Variants in NKAIN3 observed in about 807,000 individuals in gnomAD.
NKAIN3 encodes the protein sodium/potassium-transporting ATPase subunit beta-1-interacting protein 3.
NKAIN3 carries 25 observed loss-of-function variants against 30.2 expected under a neutral mutation model. The observed-to-expected ratio is 0.83, with a 90% CI of 0.60 to 1.16. The LOEUF is 1.16. Among genes scored for constraint, NKAIN3 ranks in the 50% most tolerant of loss-of-function variants. NKAIN3 has a pLI of 0.00. For synonymous variants in NKAIN3, 91 were observed against 89.6 expected (o/e 1.02, Z -0.09); for missense variants, 225 against 254.1 (o/e 0.89, Z 0.78).
intron 1 of NKAIN3, among the ~76,000 whole-genome samples, chr8:62,470,083 C>G (rs996480858): frequency 6.6e-6 from 1 of 152,142 alleles, no homozygotes; most frequent in Non-Finnish European, 1.5e-5. Flanking sequence ...CCTTATCAGA[C>G]CTCTACTCTG....
At chr8:62,338,691 A>G (rs767982908) in intron 1 of NKAIN3, among the ~76,000 whole-genome samples, 5 of 152,042 alleles carry the variant, frequency 3.3e-5, no homozygotes, top group African/African-American at 4.8e-5. Flanking sequence ...AAAGAAAGCC[A>G]GTCCGAGTCC....
intron 1 of NKAIN3, among the ~76,000 whole-genome samples, chr8:62,464,641 G>A (rs1806098234): frequency 6.6e-6 from 1 of 152,176 alleles, no homozygotes; most frequent in African/African-American, 2.4e-5. Context: ...TCTAATGTAA[G>A]AAAAGTCTCC....
intron 3 of NKAIN3, among the ~76,000 whole-genome samples, chr8:62,745,061 TAA>T (rs869071673): frequency 6.6e-6 from 1 of 152,152 alleles, no homozygotes; most frequent in African/African-American, 2.4e-5. Context: ...TACAGCAGTG[TAA>T]AAAGAGGGTT....
chr8:62,695,955 T>C (rs1405257783), intron 3 of NKAIN3, among the ~76,000 whole-genome samples: 2 of 152,182 alleles, frequency 1.3e-5, no homozygotes, highest in Non-Finnish European at 2.9e-5. Context: ...GAAGGAATTT[T>C]TTTAAAGAAA....
chr8:62,616,003 C>T (rs1367732464), intron 3 of NKAIN3, among the ~76,000 whole-genome samples: 1 of 151,852 alleles, frequency 6.6e-6, no homozygotes, highest in African/African-American at 2.4e-5. Context: ...ACTTGGTGTT[C>T]TTGCTGAAGG....
chr8:62,757,722 TA>T (rs1233167237), intron 4 of NKAIN3, among the ~76,000 whole-genome samples: 2 of 152,078 alleles, frequency 1.3e-5, no homozygotes, highest in African/African-American at 4.8e-5. Context: ...AGCAAATAAA[TA>T]AAAATAAGAA....
chr8:62,547,090 G>A (rs1320712131), intron 1 of NKAIN3, among the ~76,000 whole-genome samples: 4 of 152,192 alleles, frequency 2.6e-5, no homozygotes, highest in Admixed American at 6.5e-5. Flanking sequence ...AGACAAGGGT[G>A]AAGTTGTTAA....
intron 4 of NKAIN3, among the ~76,000 whole-genome samples, chr8:62,835,747 A>G (rs1177908188): frequency 6.6e-6 from 1 of 152,062 alleles, no homozygotes; most frequent in Non-Finnish European, 1.5e-5. Flanking sequence ...TGGTGGGAAT[A>G]TAAATTAGAT....
At chr8:62,634,863 G>T (rs1018021951) in intron 3 of NKAIN3, among the ~76,000 whole-genome samples, 1 of 152,100 alleles carries the variant, frequency 6.6e-6, no homozygotes, top group Non-Finnish European at 1.5e-5. Flanking sequence ...CATGGAGAGA[G>T]AAGAGAAAAG....
intron 1 of NKAIN3, among the ~76,000 whole-genome samples, chr8:62,565,351 G>A (rs1809715913): frequency 7.2e-6 from 1 of 139,774 alleles, no homozygotes; most frequent in South Asian, 2.4e-4. Context: ...TGTATACATG[G>A]GCATACGTGT....
At chr8:62,280,593 G>T (rs571911483) in intron 1 of NKAIN3, among the ~76,000 whole-genome samples, 2 of 152,250 alleles carry the variant, frequency 1.3e-5, no homozygotes, top group Non-Finnish European at 2.9e-5. Flanking sequence ...AAGGGCTATT[G>T]AATTTTGTCA....
chr8:62,891,861 C>T (rs1017669), intron 4 of NKAIN3, among the ~76,000 whole-genome samples: 4 of 152,066 alleles, frequency 2.6e-5, no homozygotes, highest in Admixed American at 6.6e-5. Flanking sequence ...GCCTTCCCCC[C>T]GCTTTCTCTT....
At chr8:62,387,434 A>G (rs776824217) in intron 1 of NKAIN3, among the ~76,000 whole-genome samples, 7 of 152,074 alleles carry the variant, frequency 4.6e-5, no homozygotes, top group Non-Finnish European at 7.3e-5. Context: ...TGCTTTCTGC[A>G]TGTAAACACC....
At chr8:62,449,679 A>G (rs1805583350) in intron 1 of NKAIN3, among the ~76,000 whole-genome samples, 1 of 152,104 alleles carries the variant, frequency 6.6e-6, no homozygotes, top group African/African-American at 2.4e-5. Flanking sequence ...TTAAAATACT[A>G]AAAGGTATGT....
At chr8:62,736,666 A>G (rs1345730387) in intron 3 of NKAIN3, among the ~76,000 whole-genome samples, 1 of 152,114 alleles carries the variant, frequency 6.6e-6, no homozygotes, top group African/African-American at 2.4e-5. Flanking sequence ...CCACCTGCCA[A>G]TGGCTTCTGT....
intron 3 of NKAIN3, among the ~76,000 whole-genome samples, chr8:62,679,065 G>A (rs1813570765): frequency 1.3e-5 from 2 of 152,188 alleles, no homozygotes; most frequent in Admixed American, 6.5e-5. Context: ...CCCAGATTGG[G>A]ACTGACAAGT....
At chr8:62,841,980 T>C (rs1462832393) in intron 4 of NKAIN3, among the ~76,000 whole-genome samples, 3 of 152,172 alleles carry the variant, frequency 2.0e-5, no homozygotes, top group Admixed American at 6.6e-5. Flanking sequence ...TTATCTTTCA[T>C]CTTTTTGGTA....
rs1824014190 is a variant in NKAIN3 at position 62,978,975 on chromosome 8, C to G, written c.*13568C>G. ...TCCCTTGGCTAGGGGAGGGAGTTCC[C>G]CAACCCCTTGCACTTCCCAGGTGAG... is the stretch of plus-strand genomic sequence containing the variant. On this transcript the variant is annotated 3_prime_UTR_variant, in exon 7 of 7. Transcript: ENST00000623646. The G allele has an allele frequency of 6.5e-6, 1 of 152,932 alleles. No individual in the cohort carries two copies. Among genetic ancestry groups the G allele is most frequent in the South Asian group, 2.1e-4 (1 of 4,840 alleles). 9.5% of individuals were successfully genotyped at this position (152,932 alleles called of 1,614,324 possible).
At chr8:62,894,423 G>C (rs2130828767) in intron 4 of NKAIN3, among the ~76,000 whole-genome samples, 1 of 152,040 alleles carries the variant, frequency 6.6e-6, no homozygotes, top group East Asian at 1.9e-4. Context: ...CTTTTGTTTT[G>C]GTTTCACTTG....
Sources: gnomAD v4.1 joint callset for allele counts (sites outside exome capture counted in the v4.1 genomes callset) on GRCh38, gnomAD v4.1.1 for gene constraint, MANE v1.5 for transcripts, NCBI Gene and HGNC (gene_info 2026-07-23, HGNC 2026-07-21) for gene names.